Variants in EPHB2 observed in about 807,000 individuals in gnomAD.
EPHB2 encodes the protein ephrin type-B receptor 2.
A neutral mutation model predicts 96.4 loss-of-function variants in EPHB2; 18 were observed. The observed-to-expected ratio is 0.19, with a 90% CI of 0.13 to 0.28. The LOEUF is 0.28. Among genes scored for constraint, EPHB2 ranks in the 10% least tolerant of loss-of-function variants. The pLI is 1.00. For synonymous variants in EPHB2, 506 were observed against 534.1 expected (o/e 0.95, Z 0.72); for missense variants, 989 against 1,355.4 (o/e 0.73, Z 4.25).
At chr1:22,869,811 T>C (rs1305839898) in intron 5 of EPHB2, among the ~76,000 whole-genome samples, 2 of 152,242 alleles carry the variant, frequency 1.3e-5, no homozygotes, top group African/African-American at 4.8e-5. Context: ...CCCAGCACCA[T>C]GGCCTTCTAG....
intron 3 of EPHB2, among the ~76,000 whole-genome samples, chr1:22,830,536 C>A (rs1427064016): frequency 6.6e-6 from 1 of 152,174 alleles, no homozygotes; most frequent in East Asian, 1.9e-4. Flanking sequence ...GGATACCTGG[C>A]CCTTAATGTG....
intron 1 of EPHB2, among the ~76,000 whole-genome samples, chr1:22,778,157 C>T (rs1233843188): frequency 2.0e-5 from 3 of 152,166 alleles, no homozygotes; most frequent in Non-Finnish European, 4.4e-5. Context: ...TCCAGGGTAG[C>T]TGGGATTACA....
intron 3 of EPHB2, 58 bp from the exon 4 acceptor site, chr1:22,862,979 G>A (rs1188782688): frequency 1.9e-6 from 3 of 1,612,000 alleles, no homozygotes; most frequent in East Asian, 2.2e-5. Context: ...TGCGTGGCTC[G>A]TGACCTCTCT....
chr1:22,881,580 T>A, intron 5 of EPHB2, among the ~76,000 whole-genome samples: 1 of 151,312 alleles, frequency 6.6e-6, no homozygotes, highest in East Asian at 1.9e-4. Context: ...AATGAGGGAA[T>A]TGTACTAAGG....
chr1:22,740,057 C>T (rs1643884925), intron 1 of EPHB2, among the ~76,000 whole-genome samples: 1 of 152,192 alleles, frequency 6.6e-6, no homozygotes, highest in Non-Finnish European at 1.5e-5. Context: ...TCCAAATAAA[C>T]CGGTTTTGAA....
intron 3 of EPHB2, among the ~76,000 whole-genome samples, chr1:22,791,680 T>C (rs893961): frequency 0.28 from 42,860 of 151,818 alleles, 6,489 homozygotes; most frequent in East Asian, 0.6. Context: ...TATAACATCA[T>C]TGTGGAGAAG....
chr1:22,829,768 G>A (rs1645277020), intron 3 of EPHB2, among the ~76,000 whole-genome samples: 1 of 152,144 alleles, frequency 6.6e-6, no homozygotes, highest in Non-Finnish European at 1.5e-5. Context: ...GGTGAGGCTG[G>A]GTCTCAGACT....
In EPHB2 at chr1:22,916,444, C is replaced by G. The variant is rs923407456; in HGVS notation, c.*2874C>G. 2.0e-5 allele frequency: 3 copies of G among 152,298 alleles called. No homozygotes were observed. Among genetic ancestry groups the G allele is most frequent in the African/African-American group, 7.2e-5 (3 of 41,456 alleles). 9.4% of individuals were successfully genotyped at this position (152,298 alleles called of 1,614,324 possible). On this transcript the variant is annotated 3_prime_UTR_variant, in exon 16 of 16. Coordinates refer to ENST00000374630, the MANE Select transcript of EPHB2 (RefSeq NM_017449.5). The surrounding 1 kb of genome is among the most constrained non-coding windows in gnomAD (Gnocchi z 4.2). The stretch of plus-strand genomic sequence containing the variant: ...TGTGTCTCCACTTCAGGGTAACAAA[C>G]AGATGTCACTGTGACTGTCCCAGGG...
At chr1:22,747,203 G>A (rs965224608) in intron 1 of EPHB2, among the ~76,000 whole-genome samples, 2 of 152,214 alleles carry the variant, frequency 1.3e-5, no homozygotes, top group East Asian at 1.9e-4. Context: ...CAAGCAAGGC[G>A]GGCTCACGTC....
intron 3 of EPHB2, among the ~76,000 whole-genome samples, chr1:22,843,858 T>G (rs564843344): frequency 6.6e-6 from 1 of 152,370 alleles, no homozygotes; most frequent in Non-Finnish European, 1.5e-5. Flanking sequence ...CCCTTCTTTG[T>G]GTCCATGTGT....
At chr1:22,796,318 C>G (rs1268443888) in intron 3 of EPHB2, among the ~76,000 whole-genome samples, 4 of 152,184 alleles carry the variant, frequency 2.6e-5, no homozygotes, top group Admixed American at 1.3e-4. Flanking sequence ...GGTGGGCTGG[C>G]CTGGGACTGC....
chr1:22,727,788 A>G (rs1428372889), intron 1 of EPHB2, among the ~76,000 whole-genome samples: 1 of 146,744 alleles, frequency 6.8e-6, no homozygotes, highest in Non-Finnish European at 1.5e-5. Flanking sequence ...TTCTTTAAAA[A>G]AAAAAAACAA....
At chr1:22,800,685 CCTAT>C (rs1298415150) in intron 3 of EPHB2, among the ~76,000 whole-genome samples, 9 of 143,354 alleles carry the variant, frequency 6.3e-5, no homozygotes, top group South Asian at 2.3e-4. Context: ...ATATGTGAGC[CCTAT>C]CTGTGTGAGT....
At chr1:22,789,949 C>T (rs921846881) in intron 3 of EPHB2, among the ~76,000 whole-genome samples, 1 of 152,122 alleles carries the variant, frequency 6.6e-6, no homozygotes. Context: ...TCTGAAGTGG[C>T]TCCTGGGTGA....
At chr1:22,828,267 G>T (rs770317483) in intron 3 of EPHB2, among the ~76,000 whole-genome samples, 2 of 152,076 alleles carry the variant, frequency 1.3e-5, no homozygotes, top group Non-Finnish European at 2.9e-5. Context: ...TTCATGAGTG[G>T]GTGCATATGC....
At chr1:22,804,733 T>G (rs1208995054) in intron 3 of EPHB2, among the ~76,000 whole-genome samples, 1 of 147,776 alleles carries the variant, frequency 6.8e-6, no homozygotes, top group Admixed American at 6.7e-5. Context: ...CCCTCCCACC[T>G]GCCTCTTCTC....
rs1407753761 is a variant in EPHB2, at chr1:22,790,307, C to T, written c.811+5231C>T. 1.3e-5 allele frequency among the ~76,000 whole-genome samples: 2 copies of T among 152,064 alleles called. No homozygotes were observed. Among genetic ancestry groups the T allele is most frequent in the Non-Finnish European group, 2.9e-5 (2 of 68,002 alleles). ...TTATTCACCTGTTCATTTTTTATCG[C>T]ATGCCTAATCGGGGTCTACACTGGG... On this transcript the variant is annotated intron_variant, in intron 3 of 15. Coordinates refer to ENST00000374630, the MANE Select transcript of EPHB2 (RefSeq NM_017449.5). This position sits in a 1 kb window ranked among gnomAD's most constrained non-coding sequence, Gnocchi z 4.0.
intron 3 of EPHB2, among the ~76,000 whole-genome samples, chr1:22,791,467 CTTTCTT>C (rs201340343): frequency 0.11 from 14,065 of 127,502 alleles, 858 homozygotes; most frequent in East Asian, 0.48. Flanking sequence ...TTCTTTCTTT[CTTTCTT>C]TTTTTTTTTT....
chr1:22,712,667 G>A (rs1325178404), intron 1 of EPHB2, among the ~76,000 whole-genome samples: 2 of 152,222 alleles, frequency 1.3e-5, no homozygotes, highest in East Asian at 1.9e-4. Context: ...GGCTGACTGC[G>A]GTTTCCCGGA....
Sources: gnomAD v4.1 joint callset for allele counts (sites outside exome capture counted in the v4.1 genomes callset) on GRCh38, gnomAD v4.1.1 for gene constraint, Gnocchi (gnomAD v3.1) non-coding constraint, MANE v1.5 for transcripts, NCBI Gene and HGNC (gene_info 2026-07-23, HGNC 2026-07-21) for gene names.